The following GARIN2 variants were observed in gnomAD, a reference collection of about 807,000 sequenced individuals.
GARIN2 encodes the protein golgi associated RAB2 interactor family member 2.
chr14:67,221,961 C>A, the GARIN2 span: 1 of 907,512 alleles, frequency 1.1e-6, no homozygotes, highest in Non-Finnish European at 1.6e-6. Flanking sequence ...TCTGAGAATC[C>A]TATACTGAAG....
the GARIN2 span, among the ~76,000 whole-genome samples, chr14:67,211,976 A>T: frequency 1.3e-5 from 2 of 152,264 alleles, no homozygotes; most frequent in African/African-American, 4.8e-5. Flanking sequence ...TGTCCTGGAT[A>T]GACTTTAAGC....
chr14:67,211,666 C>T, the GARIN2 span, among the ~76,000 whole-genome samples: 112 of 152,214 alleles, frequency 7.4e-4, no homozygotes, highest in Non-Finnish European at 1.4e-3. Flanking sequence ...GTGGCTCACA[C>T]GCCTGTAATC....
At chr14:67,216,840 A>T in the GARIN2 span, among the ~76,000 whole-genome samples, 2 of 152,174 alleles carry the variant, frequency 1.3e-5, no homozygotes, top group African/African-American at 2.4e-5. Context: ...CATATAGTCA[A>T]TCCTGGAGAA....
the GARIN2 span, chr14:67,200,075 C>CTGGA: frequency 2.1e-6 from 2 of 969,594 alleles, no homozygotes; most frequent in Non-Finnish European, 3.1e-6. Flanking sequence ...CAACCACCAC[C>CTGGA]TGGAATGCCT....
the GARIN2 span, among the ~76,000 whole-genome samples, chr14:67,201,904 T>C: frequency 6.6e-6 from 1 of 152,192 alleles, no homozygotes; most frequent in Non-Finnish European, 1.5e-5. Context: ...TTCTACCAAG[T>C]GGCAGAGATT....
At chr14:67,202,999 T>C in the GARIN2 span, 1 of 1,312,466 alleles carries the variant, frequency 7.6e-7, no homozygotes, top group East Asian at 2.3e-5. Flanking sequence ...CATTCCTCCT[T>C]TATTTCCTAC....
chr14:67,227,083 G>A, the GARIN2 span, among the ~76,000 whole-genome samples: 5 of 152,126 alleles, frequency 3.3e-5, no homozygotes, highest in African/African-American at 1.2e-4. Context: ...CATTAACAGA[G>A]AGCTGCAAAT....
the GARIN2 span, chr14:67,199,446 C>T: frequency 6.2e-7 from 1 of 1,612,890 alleles, no homozygotes; most frequent in Admixed American, 1.7e-5. Context: ...ATCTTACAAA[C>T]CCCCAAGATT....
chr14:67,205,606 G>A, the GARIN2 span, among the ~76,000 whole-genome samples: 1 of 152,192 alleles, frequency 6.6e-6, no homozygotes, highest in South Asian at 2.1e-4. Context: ...AAAGGCCAGA[G>A]AGTGGAAAAA....
chr14:67,202,209 A>T, the GARIN2 span, among the ~76,000 whole-genome samples: 1 of 152,156 alleles, frequency 6.6e-6, no homozygotes, highest in African/African-American at 2.4e-5. Context: ...GGTAGGCTAA[A>T]GTGGGTGGAT....
the GARIN2 span, chr14:67,224,819 T>C: frequency 3.7e-6 from 1 of 267,294 alleles, no homozygotes; most frequent in African/African-American, 2.3e-5. Flanking sequence ...ACAAACCAAA[T>C]TCCTTGGAAT....
chr14:67,199,871 C>CA, the GARIN2 span: 1 of 1,491,628 alleles, frequency 6.7e-7, no homozygotes, highest in Non-Finnish European at 9.0e-7. Flanking sequence ...CCTGGGGCTG[C>CA]AGGACATGGC....
At chr14:67,207,003 T>C in the GARIN2 span, among the ~76,000 whole-genome samples, 1 of 152,118 alleles carries the variant, frequency 6.6e-6, no homozygotes, top group African/African-American at 2.4e-5. Context: ...ATATTCTACC[T>C]TTAGCTTTAT....
chr14:67,191,374 G>A, the GARIN2 span, among the ~76,000 whole-genome samples: 1 of 152,200 alleles, frequency 6.6e-6, no homozygotes, highest in African/African-American at 2.4e-5. Context: ...GGAGGGAAAA[G>A]ACCACATGGT....
the GARIN2 span, among the ~76,000 whole-genome samples, chr14:67,215,295 A>G: frequency 4.6e-5 from 7 of 152,196 alleles, no homozygotes; most frequent in Non-Finnish European, 1.0e-4. Context: ...TCAAAAAGAT[A>G]AAAAATGGTT....
At chr14:67,220,223 C>G in the GARIN2 span, among the ~76,000 whole-genome samples, 2 of 152,080 alleles carry the variant, frequency 1.3e-5, no homozygotes, top group Non-Finnish European at 2.9e-5. Flanking sequence ...ATGGCTTGGG[C>G]TCAGGAGCTC....
At chr14:67,192,999 T>C in the GARIN2 span, among the ~76,000 whole-genome samples, 5 of 146,120 alleles carry the variant, frequency 3.4e-5, no homozygotes, top group Non-Finnish European at 7.5e-5. Flanking sequence ...TATATATCTC[T>C]ATATATCAAT....
chr14:67,204,031 A>G, the GARIN2 span, among the ~76,000 whole-genome samples: 1 of 152,196 alleles, frequency 6.6e-6, no homozygotes, highest in African/African-American at 2.4e-5. Flanking sequence ...GTTTTTATAC[A>G]TCAGAGCCTT....
At chr14:67,207,517 T>A in the GARIN2 span, among the ~76,000 whole-genome samples, 3 of 150,528 alleles carry the variant, frequency 2.0e-5, no homozygotes, top group South Asian at 6.3e-4. Flanking sequence ...CATTTCAACA[T>A]GAGATTTTCA....
Sources: gnomAD v4.1 joint callset for allele counts (sites outside exome capture counted in the v4.1 genomes callset) on GRCh38, gnomAD v4.1.1 for gene constraint, MANE v1.5 for transcripts, NCBI Gene and HGNC (gene_info 2026-07-23, HGNC 2026-07-21) for gene names.